Variants in TXNDC5 observed in about 807,000 individuals in gnomAD.
The protein encoded by TXNDC5 is thioredoxin domain containing 5.
TXNDC5 carries 44 observed loss-of-function variants against 52.6 expected under a neutral mutation model. The observed-to-expected ratio is 0.84, with a 90% CI of 0.66 to 1.08. The LOEUF is 1.08. Among genes scored for constraint, TXNDC5 ranks in the 50% least tolerant of loss-of-function variants. The probability of loss-of-function intolerance (pLI) is 0.00; values close to 1 mark genes in which losing one functional copy is unlikely to be tolerated. For missense variants in TXNDC5, 600 were observed against 565.5 expected, an observed-to-expected ratio of 1.06 and a Z score of -0.62; for synonymous variants, 241 against 234.4, an observed-to-expected ratio of 1.03 and a Z score of -0.26.
intron 1 of TXNDC5, among the ~76,000 whole-genome samples, chr6:7,905,952 C>T: frequency 6.6e-6 from 1 of 152,152 alleles, no homozygotes; most frequent in East Asian, 1.9e-4. Flanking sequence ...CAAAAATAAG[C>T]ATTTAAGTCG....
Position 7,893,101 on chromosome 6 carries a change from A to G in TXNDC5, c.617-1365T>C, listed in dbSNP as rs568171289. Among the ~76,000 whole-genome samples the G allele has an allele frequency of 1.6e-3, 245 of 152,360 alleles. 1 individual carries two copies. Among genetic ancestry groups the G allele is most frequent in the African/African-American group, 5.7e-3 (239 of 41,584 alleles). On this transcript the variant is annotated intron_variant, in intron 4 of 9. Coordinates refer to ENST00000379757, the MANE Select transcript of TXNDC5 (RefSeq NM_030810.5). ...ACATCACCCCCTTGGCTACGGGGAA[A>G]AAAACAAACAAACCCTCACAGCATC...
rs910600369 is a variant in TXNDC5, at chr6:7,899,559, A to C, written c.519+17T>G. The stretch of plus-strand genomic sequence containing the variant: ...AGGGAGGGAGGGAGGGAGGGAGGGA[A>C]GGAGGTAGACACTCACCACTGGCTC... On this transcript the variant is annotated intron_variant, in intron 3 of 9. Coordinates refer to ENST00000379757, the MANE Select transcript of TXNDC5 (RefSeq NM_030810.5). 1 of 1,471,990 alleles carries C rather than the reference A, an allele frequency of 6.8e-7. No homozygotes were observed. The highest frequency in any genetic ancestry group is 9.3e-7 in the Non-Finnish European group (1 of 1,079,692). 91.2% of individuals were successfully genotyped at this position (1,471,990 alleles called of 1,614,324 possible).
At chr6:7,909,938 G>T in intron 1 of TXNDC5, 2 of 986,042 alleles carry the variant, frequency 2.0e-6, no homozygotes, top group Non-Finnish European at 2.4e-6. Context: ...CCCACGGGCA[G>T]GCCGCGCGTC....
chr6:7,885,445 CTG>C (rs1759932034), intron 8 of TXNDC5, among the ~76,000 whole-genome samples: 1 of 152,198 alleles, frequency 6.6e-6, no homozygotes, highest in Non-Finnish European at 1.5e-5. Flanking sequence ...CAATCCATTT[CTG>C]CTCTGGTCTC....
chr6:7,889,163 G>A (rs754045291), intron 6 of TXNDC5: 13 of 444,916 alleles, frequency 2.9e-5, no homozygotes, highest in Non-Finnish European at 5.2e-5. Context: ...GAAGGAGGGA[G>A]GGAGGCAGGC....
At chr6:7,898,063 G>GTT (rs879525922) in intron 3 of TXNDC5, among the ~76,000 whole-genome samples, 3 of 144,714 alleles carry the variant, frequency 2.1e-5, no homozygotes, top group Admixed American at 1.4e-4. Flanking sequence ...AGTTCAGAGA[G>GTT]TTTTTTTTTT....
rs57783770 is a variant in TXNDC5 at position 7,908,281 on chromosome 6, CAAAAAAAAAAAAAAA to C, written c.263+2218_263+2232del. On this transcript the variant is annotated intron_variant, in intron 1 of 9. Transcript: ENST00000379757. ...CTGGCAACAGAGCAAGACTCCATCT[CAAAAAAAAAAAAAAA>C]AAAAAAAAGTAACAACATAAAGCTA... Among the ~76,000 whole-genome samples, 14 of 62,782 alleles carry C rather than the reference CAAAAAAAAAAAAAAA, an allele frequency of 2.2e-4. No homozygotes were observed. The South Asian group carries it at 4.3e-3, about 19-fold the overall frequency. 41.2% of individuals were successfully genotyped at this position (62,782 alleles called of 152,430 possible). A position where few individuals can be genotyped will look rare whatever the true frequency, so the allele number is the denominator to read the frequency against.
rs894194225 is a variant in TXNDC5, at chr6:7,899,675, C to G, written c.420G>C (p.Lys140Asn). Residue 140 changes from lysine to asparagine, a missense_variant, in exon 3 of 10, where the codon AAG becomes AAC. Physicochemically the swap from Lys to Asn is moderately conservative, Grantham distance 94. Coordinates refer to ENST00000379757, the MANE Select transcript of TXNDC5 (RefSeq NM_030810.5). ...AQGVRGYPTL[K>N]LFKPGQEAVK... ...CAGCTTCTTGGCCTGGCTTGAAAAG[C>G]TTTAAGCTGAAAGAATAACAAAGGA... 6.2e-7 allele frequency: 1 copy of G among 1,613,442 alleles called. No individual in the cohort carries two copies. Among genetic ancestry groups the G allele is most frequent in the Non-Finnish European group, 8.5e-7 (1 of 1,179,798 alleles).
At chr6:7,906,554 A>C (rs928683850) in intron 1 of TXNDC5, among the ~76,000 whole-genome samples, 3 of 146,588 alleles carry the variant, frequency 2.0e-5, no homozygotes, top group African/African-American at 8.1e-5. Context: ...AAAAAAAAAA[A>C]AAAGAAAAAC....
intron 3 of TXNDC5, among the ~76,000 whole-genome samples, chr6:7,898,082 G>A (rs1417275487): frequency 1.3e-5 from 2 of 149,904 alleles, no homozygotes; most frequent in African/African-American, 4.9e-5. Context: ...TTTTTTCCAC[G>A]ATAGTTTTTG....
intron 8 of TXNDC5, 44 bp from the exon 9 acceptor site, chr6:7,884,532 G>A (rs537826274): frequency 6.2e-7 from 1 of 1,612,392 alleles, no homozygotes; most frequent in South Asian, 1.1e-5. Context: ...CCTGGGTCGA[G>A]ATCATTCACC....
In TXNDC5 at chr6:7,904,569, C is replaced by T. The variant is rs1760674562; in HGVS notation, c.413+5G>A. On this transcript the variant is annotated splice_donor_5th_base_variant and intron_variant, in intron 2 of 9. Coordinates refer to ENST00000379757, the MANE Select transcript of TXNDC5 (RefSeq NM_030810.5). The stretch of plus-strand genomic sequence containing the variant: ...AGGAAGTGTGCCCCCTTCCTTCCAA[C>T]TTACGTGGGGTATCCTCGCACCCCC... 6.2e-7 allele frequency: 1 copy of T among 1,613,658 alleles called. No individual in the cohort carries two copies. The highest frequency in any genetic ancestry group is 8.5e-7 in the Non-Finnish European group (1 of 1,179,660).
Position 7,896,001 on chromosome 6 carries a change from CACAA to C in TXNDC5, c.520-803_520-800del, listed in dbSNP as rs544151679. On this transcript the variant is annotated intron_variant, in intron 3 of 9. Coordinates refer to ENST00000379757, the MANE Select transcript of TXNDC5 (RefSeq NM_030810.5). The stretch of plus-strand genomic sequence containing the variant: ...GAGTGAGACTCTTCCTCAAAAAACA[CACAA>C]ACAGACACGAGGGTAGCAAAATGGA... 1.4e-4 allele frequency among the ~76,000 whole-genome samples: 22 copies of C among 152,196 alleles called. No individual in the cohort carries two copies. The East Asian group carries it at 3.1e-3, about 21-fold the overall frequency.
intron 6 of TXNDC5, chr6:7,889,090 C>A: frequency 2.0e-6 from 1 of 505,192 alleles, no homozygotes; most frequent in South Asian, 3.7e-5. Flanking sequence ...AAGTCTGGGG[C>A]AGAGGCCTGC....
intron 1 of TXNDC5, 106 bp downstream of exon 1, chr6:7,910,408 C>T (rs1760879225): frequency 2.5e-6 from 3 of 1,190,812 alleles, no homozygotes; most frequent in Non-Finnish European, 3.2e-6. Context: ...AGACCAGAGC[C>T]GTCGGCGTCC....
chr6:7,897,361 T>TA lies in TXNDC5; in HGVS notation c.520-2160dup, dbSNP rs547629342. On this transcript the variant is annotated intron_variant, in intron 3 of 9. Coordinates refer to ENST00000379757, the MANE Select transcript of TXNDC5 (RefSeq NM_030810.5). ...ATCTAAATTTATCCCACGTGAATAT[T>TA]AAAAAATGTATGTACTAAGTTACTT... 1.1e-3 allele frequency among the ~76,000 whole-genome samples: 163 copies of TA among 152,310 alleles called. 2 individuals carry two copies. Among genetic ancestry groups the TA allele is most frequent in the African/African-American group, 3.6e-3 (149 of 41,564 alleles).
chr6:7,886,616 A>C (rs1759992598), intron 7 of TXNDC5, among the ~76,000 whole-genome samples: 1 of 152,244 alleles, frequency 6.6e-6, no homozygotes, highest in Admixed American at 6.5e-5. Flanking sequence ...GTTCTAAGTC[A>C]ATGTGAAAAA....
At chr6:7,903,696 A>C (rs560774142) in intron 2 of TXNDC5, among the ~76,000 whole-genome samples, 3 of 152,328 alleles carry the variant, frequency 2.0e-5, no homozygotes, top group Admixed American at 2.0e-4. Flanking sequence ...AATTGTATAG[A>C]ATTGACTTCA....
In TXNDC5 at chr6:7,888,017, A is replaced by G. The variant is rs77209708; in HGVS notation, c.963+688T>C. 8.8e-3 allele frequency among the ~76,000 whole-genome samples: 1,336 copies of G among 152,298 alleles called. 6 individuals carry two copies. The highest frequency in any genetic ancestry group is 0.012 in the Non-Finnish European group (838 of 68,026). On this transcript the variant is annotated intron_variant, in intron 7 of 9. Transcript: ENST00000379757. The stretch of plus-strand genomic sequence containing the variant: ...CACATTTCTGCCCCAGCCCCCTGCC[A>G]TTGGCTTGTGTGTCTTCTCACCATT...
Sources: allele counts gnomAD v4.1 joint callset (sites outside exome capture counted in the v4.1 genomes callset), GRCh38; gene constraint gnomAD v4.1.1; transcripts MANE v1.5; gene names NCBI Gene and HGNC (gene_info 2026-07-23, HGNC 2026-07-21).